Variants in OSBPL6 observed in about 807,000 individuals in gnomAD.
OSBPL6 encodes oxysterol-binding protein-related protein 6.
In OSBPL6, 49 loss-of-function variants were observed where a neutral mutation model predicts 125.8. The ratio of observed to expected loss-of-function variants is 0.39; its 90% CI spans 0.31 to 0.49. OSBPL6 has a LOEUF of 0.49. OSBPL6 is among the 20% of genes least tolerant of loss of function. The probability of loss-of-function intolerance (pLI) is 0.88; values close to 1 mark genes in which losing one functional copy is unlikely to be tolerated. For synonymous variants in OSBPL6, 394 were observed against 391.8 expected, an observed-to-expected ratio of 1.01 and a Z score of -0.07; for missense variants, 986 against 1,135.4, an observed-to-expected ratio of 0.87 and a Z score of 1.89.
chr2:178,332,718 A>G lies in OSBPL6; in HGVS notation c.450A>G (p.Ile150Met). 6.2e-7 allele frequency: 1 copy of G among 1,614,192 alleles called. No homozygotes were observed. The highest frequency in any genetic ancestry group is 8.5e-7 in the Non-Finnish European group (1 of 1,180,008). ...CAATTAAAAAGAAAGCTCGAAGAAT[A>G]GACCTTGACACCGAAGAGCACATCT... ...VMSIKKKARR[I>M]DLDTEEHIYH... is the part of the protein sequence containing the mutation. The change falls in exon 7 of 25, where the codon ATA becomes ATG. Residue 150 changes from isoleucine to methionine, a missense_variant. Around this residue, in one of 3 missense-constraint regions of OSBPL6, gnomAD observed 843 missense variants for 997.3 expected, o/e 0.85. Transcript: ENST00000190611.
At chr2:178,369,913 G>A (rs1383941634) in intron 13 of OSBPL6, among the ~76,000 whole-genome samples, 1 of 152,144 alleles carries the variant, frequency 6.6e-6, no homozygotes, top group East Asian at 1.9e-4. Flanking sequence ...GGCAACAGAA[G>A]GTATAGCTAC....
chr2:178,354,029 C>T (rs1001604164), intron 12 of OSBPL6, among the ~76,000 whole-genome samples: 23 of 152,164 alleles, frequency 1.5e-4, no homozygotes, highest in Non-Finnish European at 2.4e-4. Context: ...TACAGACAAG[C>T]AAATGCTGGG....
intron 1 of OSBPL6, among the ~76,000 whole-genome samples, chr2:178,213,386 C>G (rs2089954207): frequency 6.6e-6 from 1 of 151,928 alleles, no homozygotes; most frequent in Admixed American, 6.6e-5. Context: ...CCATGATTGT[C>G]CCTCCCAAAT....
chr2:178,256,869 A>T (rs1323561494), intron 1 of OSBPL6, among the ~76,000 whole-genome samples: 1 of 151,972 alleles, frequency 6.6e-6, no homozygotes, highest in Admixed American at 6.6e-5. Flanking sequence ...TTTTCCCCTG[A>T]CTCCTGGGGA....
chr2:178,349,463 T>A, intron 12 of OSBPL6, 74 bp downstream of exon 12: 1 of 1,506,016 alleles, frequency 6.6e-7, no homozygotes, highest in East Asian at 2.3e-5. Flanking sequence ...TTCTTTTATC[T>A]TTGTCTTTGT....
chr2:178,330,784 G>C (rs1177601455), intron 5 of OSBPL6, among the ~76,000 whole-genome samples: 1 of 152,102 alleles, frequency 6.6e-6, no homozygotes, highest in Non-Finnish European at 1.5e-5. Context: ...TTCTTTGACC[G>C]GGCCCTGGGA....
chr2:178,238,279 T>C (rs1357688359), intron 1 of OSBPL6, among the ~76,000 whole-genome samples: 1 of 152,212 alleles, frequency 6.6e-6, no homozygotes, highest in African/African-American at 2.4e-5. Flanking sequence ...GCCGCCCTGC[T>C]CTGTCCCACC....
At chr2:178,239,511 G>A (rs913928792) in intron 1 of OSBPL6, among the ~76,000 whole-genome samples, 19 of 151,990 alleles carry the variant, frequency 1.3e-4, no homozygotes, top group African/African-American at 4.6e-4. Flanking sequence ...TCTAGCCTGG[G>A]TGACAGTGAG....
At chr2:178,363,665 A>G (rs1378948910) in intron 13 of OSBPL6, among the ~76,000 whole-genome samples, 1 of 152,214 alleles carries the variant, frequency 6.6e-6, no homozygotes, top group Non-Finnish European at 1.5e-5. Context: ...TGCTAACATG[A>G]TAAAAGTAAA....
Position 178,372,571 on chromosome 2 carries a change from C to CA in OSBPL6, c.1395+354dup, listed in dbSNP as rs11433537. Among the ~76,000 whole-genome samples the CA allele has an allele frequency of 2.8e-3, 404 of 145,546 alleles. 2 individuals carry two copies. The highest frequency in any genetic ancestry group is 6.3e-3 in the African/African-American group (248 of 39,630). ...GCATCAAATGGCCGGTGAAATGTTG[C>CA]AAAAAAAAAAAAAAAATTAGCTGAG... is the stretch of plus-strand genomic sequence containing the variant. On this transcript the variant is annotated intron_variant, in intron 14 of 24. Coordinates refer to ENST00000190611, the MANE Select transcript of OSBPL6 (RefSeq NM_032523.4).
intron 2 of OSBPL6, among the ~76,000 whole-genome samples, chr2:178,296,879 C>T (rs940150525): frequency 2.6e-5 from 4 of 152,172 alleles, no homozygotes; most frequent in African/African-American, 4.8e-5. Context: ...ATGCCCAACA[C>T]GAGTAGAATT....
intron 1 of OSBPL6, among the ~76,000 whole-genome samples, chr2:178,205,602 G>A (rs549664290): frequency 1.3e-5 from 2 of 152,130 alleles, no homozygotes; most frequent in East Asian, 3.9e-4. Context: ...TAGACAAATG[G>A]GACTTTACTG....
intron 1 of OSBPL6, among the ~76,000 whole-genome samples, chr2:178,259,014 G>T (rs906167184): frequency 6.6e-6 from 1 of 152,124 alleles, no homozygotes; most frequent in Admixed American, 6.6e-5. Context: ...CTCATTATTA[G>T]TTGAGCTCAC....
intron 3 of OSBPL6, among the ~76,000 whole-genome samples, chr2:178,309,881 C>T (rs182155330): frequency 2.4e-3 from 373 of 152,246 alleles, no homozygotes; most frequent in Non-Finnish European, 4.7e-3. Flanking sequence ...AAGTGTGTGC[C>T]GAGGAATGCT....
intron 1 of OSBPL6, among the ~76,000 whole-genome samples, chr2:178,200,209 A>G (rs1224383752): frequency 6.8e-6 from 1 of 147,072 alleles, no homozygotes; most frequent in Non-Finnish European, 1.5e-5. Context: ...ATAATGTATG[A>G]GTTAAATGCA....
At chr2:178,393,161 G>T (rs1453573371) in intron 23 of OSBPL6, among the ~76,000 whole-genome samples, 4 of 152,118 alleles carry the variant, frequency 2.6e-5, no homozygotes, top group Non-Finnish European at 5.9e-5. Context: ...TATATAATCA[G>T]TCCTCACCCA....
chr2:178,250,319 A>G (rs542382994), intron 1 of OSBPL6, among the ~76,000 whole-genome samples: 3 of 152,210 alleles, frequency 2.0e-5, no homozygotes, highest in Admixed American at 6.5e-5. Context: ...TGCTGATTCT[A>G]TCTTTCAAAT....
Position 178,272,188 on chromosome 2 carries a change from C to T in OSBPL6, c.-350-12739C>T, listed in dbSNP as rs556228507. On this transcript the variant is annotated intron_variant, in intron 1 of 24. Transcript: ENST00000190611. ...AAGAGTGAAGTCAGCCTCCACTTGG[C>T]GATCCAAAAAGCATTTCAGTTACTG... 1.7e-4 allele frequency among the ~76,000 whole-genome samples: 26 copies of T among 152,262 alleles called. 1 individual carries two copies. The highest frequency in any genetic ancestry group is 3.4e-3 in the Middle Eastern group (1 of 294).
At chr2:178,307,097 G>A (rs745731532) in intron 3 of OSBPL6, among the ~76,000 whole-genome samples, 10 of 152,008 alleles carry the variant, frequency 6.6e-5, no homozygotes, top group Middle Eastern at 3.2e-3. Context: ...TTCCGTTTTG[G>A]CAACTTTCAA....
Sources: gnomAD v4.1 joint callset for allele counts (sites outside exome capture counted in the v4.1 genomes callset) on GRCh38, gnomAD v4.1.1 for gene constraint, gnomAD v4.1.1 regional missense constraint, MANE v1.5 for transcripts, NCBI Gene and HGNC (gene_info 2026-07-23, HGNC 2026-07-21) for gene names.